GDPD5: variants seen among roughly 807,000 people sequenced by gnomAD.
GDPD5 encodes the protein glycerophosphodiester phosphodiesterase domain containing 5.
A neutral mutation model predicts 75.1 loss-of-function variants in GDPD5; 48 were observed. That is an observed-to-expected ratio of 0.64 (90% CI 0.51 to 0.81). The LOEUF (loss-of-function observed/expected upper bound fraction) is 0.81, where lower values mean the gene tolerates loss of function less well. GDPD5 is among the 40% of genes least tolerant of loss of function. The pLI is 0.00. For missense variants in GDPD5, 706 were observed against 822.6 expected (o/e 0.86, Z 1.73); for synonymous variants, 336 against 339.0 (o/e 0.99, Z 0.10).
At position 75,441,179 on chromosome 11, in the gene GDPD5, G is replaced by A; in HGVS notation, c.1457C>T (p.Ser486Phe). ...DNSHALSQVP[S>F]PLWIMPPDEY... Reference sequence around the variant, plus strand: ...CCAACTCACCATGATCCAGAGGGGGGAAGGCACCTGGGACAGGGCGTGGGA... The same window carrying A: ...CCAACTCACCATGATCCAGAGGGGGAAAGGCACCTGGGACAGGGCGTGGGA... The change falls in exon 14 of 17, where the codon TCC (serine) becomes TTC (phenylalanine). Residue 486 changes from serine to phenylalanine, a missense_variant. Ser to Phe is a radical substitution (Grantham distance 155, BLOSUM62 -2). Transcript: ENST00000336898. The A allele has an allele frequency of 3.1e-6, 5 of 1,613,846 alleles. No individual in the cohort carries two copies. Among genetic ancestry groups the A allele is most frequent in the Non-Finnish European group, 4.2e-6 (5 of 1,179,932 alleles).
intron 3 of GDPD5, among the ~76,000 whole-genome samples, chr11:75,468,063 G>A (rs1252227352): frequency 6.6e-6 from 1 of 152,180 alleles, no homozygotes; most frequent in Non-Finnish European, 1.5e-5. Context: ...GGAAGCATGG[G>A]CATGGCCGCT....
chr11:75,473,632 G>A (rs972966444), intron 3 of GDPD5, among the ~76,000 whole-genome samples: 3 of 151,994 alleles, frequency 2.0e-5, no homozygotes, highest in Non-Finnish European at 2.9e-5. Flanking sequence ...TCAGGCCCCC[G>A]CTGCCCAGGA....
chr11:75,506,250 CT>C (rs1950395314), intron 1 of GDPD5, among the ~76,000 whole-genome samples: 2 of 152,228 alleles, frequency 1.3e-5, no homozygotes, highest in Admixed American at 6.5e-5. Context: ...TGTTTGGGCT[CT>C]TCCCAGAAGA....
intron 1 of GDPD5, among the ~76,000 whole-genome samples, chr11:75,510,611 T>G (rs2135482838): frequency 6.6e-6 from 1 of 152,312 alleles, no homozygotes. Flanking sequence ...CTGCTCCAGC[T>G]GTTGGAAGAA....
chr11:75,486,201 G>A (rs554516514), intron 2 of GDPD5, among the ~76,000 whole-genome samples: 80 of 152,260 alleles, frequency 5.3e-4, no homozygotes, highest in African/African-American at 1.8e-3. Context: ...GGGGCTGCTC[G>A]AGGAAAAGGG....
At chr11:75,441,421 A>G in intron 13 of GDPD5, 111 bp from the exon 14 acceptor site, 1 of 1,394,240 alleles carries the variant, frequency 7.2e-7, no homozygotes, top group Non-Finnish European at 9.9e-7. Context: ...TGCCCGGGGC[A>G]AGGAACATTG....
rs185870761 is a variant in GDPD5, at chr11:75,473,889, G to A, written c.117+3730C>T. Reference sequence around the variant, plus strand: ...GTTTCCCCAGGCCTCCAAAATGATCGACCTGGGTGGTCCAGGTGTGTCTGA... The same window carrying A: ...GTTTCCCCAGGCCTCCAAAATGATCAACCTGGGTGGTCCAGGTGTGTCTGA... On this transcript the variant is annotated intron_variant, in intron 3 of 16. Coordinates refer to ENST00000336898, the MANE Select transcript of GDPD5 (RefSeq NM_030792.8). Among the ~76,000 whole-genome samples, 8 of 152,300 alleles carry A rather than the reference G, an allele frequency of 5.3e-5. No individual in the cohort carries two copies. In the South Asian group the frequency reaches 1.2e-3, roughly 24 times the overall value.
chr11:75,454,366 G>T (rs1168312908), intron 6 of GDPD5, among the ~76,000 whole-genome samples: 2 of 152,198 alleles, frequency 1.3e-5, no homozygotes, highest in Non-Finnish European at 2.9e-5. Context: ...ATGCTTTATG[G>T]GCAAGGGTGT....
intron 6 of GDPD5, among the ~76,000 whole-genome samples, chr11:75,456,354 G>A (rs189153775): frequency 1.6e-4 from 24 of 152,324 alleles, no homozygotes; most frequent in Admixed American, 9.1e-4. Flanking sequence ...ACCAAAGAAG[G>A]AAGAGGCAGG....
intron 14 of GDPD5, among the ~76,000 whole-genome samples, 191 bp from the exon 15 acceptor site, chr11:75,440,152 G>C (rs79918613): frequency 6.6e-6 from 1 of 152,178 alleles, no homozygotes; most frequent in Non-Finnish European, 1.5e-5. Flanking sequence ...CCTGGGGGCC[G>C]GGGCGTGTGT....
intron 1 of GDPD5, among the ~76,000 whole-genome samples, chr11:75,497,666 T>C (rs896450914): frequency 2.0e-5 from 3 of 152,192 alleles, no homozygotes; most frequent in African/African-American, 7.2e-5. Context: ...ACTCAATACA[T>C]GGGTATCAGA....
intron 1 of GDPD5, among the ~76,000 whole-genome samples, chr11:75,499,394 CTTTTTTTTT>C (rs376714511): frequency 4.1e-3 from 184 of 45,312 alleles, no homozygotes; most frequent in African/African-American, 7.7e-3. Flanking sequence ...TCTTCTTTTC[CTTTTTTTTT>C]TTTTTTTTTT....
chr11:75,435,255 C>G lies in GDPD5; in HGVS notation c.*252G>C. 2.3e-6 allele frequency: 1 copy of G among 427,182 alleles called. No homozygotes were observed. The highest frequency in any genetic ancestry group is 4.2e-6 in the Non-Finnish European group (1 of 237,654). The allele number at this position is 427,182 out of a possible 1,614,324, so 26.5% of individuals were successfully genotyped here. Reference sequence around the variant, plus strand: ...GGGCCTCAGAAGAGGGGGACCAAGCCCTAGGCCCCATACTTCCCAGAAGGA... The same window carrying G: ...GGGCCTCAGAAGAGGGGGACCAAGCGCTAGGCCCCATACTTCCCAGAAGGA... On this transcript the variant is annotated 3_prime_UTR_variant, in exon 17 of 17. Coordinates refer to ENST00000336898, the MANE Select transcript of GDPD5 (RefSeq NM_030792.8).
intron 1 of GDPD5, among the ~76,000 whole-genome samples, chr11:75,502,800 G>T (rs915215523): frequency 2.0e-5 from 3 of 152,196 alleles, no homozygotes; most frequent in African/African-American, 4.8e-5. Context: ...AGACTGCCTT[G>T]CTGTGGGAAG....
At chr11:75,475,831 G>T (rs1197893956) in intron 3 of GDPD5, among the ~76,000 whole-genome samples, 2 of 152,232 alleles carry the variant, frequency 1.3e-5, no homozygotes, top group Non-Finnish European at 2.9e-5. Context: ...CCAGACCCCT[G>T]CCTCAGATTG....
chr11:75,486,220 T>G (rs1950019667), intron 2 of GDPD5, among the ~76,000 whole-genome samples: 1 of 152,124 alleles, frequency 6.6e-6, no homozygotes, highest in African/African-American at 2.4e-5. Flanking sequence ...GGAAGGCCAA[T>G]CCCTGATCCC....
intron 16 of GDPD5, 36 bp downstream of exon 16, chr11:75,436,900 C>T: frequency 6.5e-7 from 1 of 1,530,234 alleles, no homozygotes; most frequent in South Asian, 1.1e-5. Context: ...AAGCTGGGCC[C>T]AGGGCCTGCC....
At chr11:75,447,176 C>G (rs1282309530) in intron 9 of GDPD5, among the ~76,000 whole-genome samples, 1 of 152,174 alleles carries the variant, frequency 6.6e-6, no homozygotes, top group African/African-American at 2.4e-5. Context: ...AGCCACTGAG[C>G]CCAGCCGGGG....
In GDPD5 at chr11:75,475,738, C is replaced by T. The variant is rs545546829; in HGVS notation, c.117+1881G>A. ...GTGAGCTCAGCCCTTTCTGCAGAGG[C>T]GCTGCCACCCAGAGCTGCTGTAAAG... is the stretch of plus-strand genomic sequence containing the variant. On this transcript the variant is annotated intron_variant, in intron 3 of 16. Coordinates refer to ENST00000336898, the MANE Select transcript of GDPD5 (RefSeq NM_030792.8). Among the ~76,000 whole-genome samples, 14 of 152,278 alleles carry T rather than the reference C, an allele frequency of 9.2e-5. No homozygotes were observed. The South Asian group carries it at 2.7e-3, about 29-fold the overall frequency.
Sources: allele counts gnomAD v4.1 joint callset (sites outside exome capture counted in the v4.1 genomes callset), GRCh38; gene constraint gnomAD v4.1.1; transcripts MANE v1.5; gene names NCBI Gene and HGNC (gene_info 2026-07-23, HGNC 2026-07-21).